The following FSIP1 variants were observed in gnomAD, a reference collection of about 807,000 sequenced individuals.
The protein encoded by FSIP1 is fibrous sheath interacting protein 1.
A neutral mutation model predicts 60.9 loss-of-function variants in FSIP1; 65 were observed. The observed-to-expected ratio is 1.07, with a 90% CI of 0.87 to 1.31. FSIP1 has a LOEUF of 1.31. FSIP1 is among the 40% of genes most tolerant of loss of function. The pLI, the probability that FSIP1 is intolerant of heterozygous loss-of-function variation, is 0.00. For synonymous variants in FSIP1, 209 were observed against 221.2 expected (o/e 0.94, Z 0.49); for missense variants, 675 against 665.5 (o/e 1.01, Z -0.16).
chr15:39,657,492 T>C (rs890825838), intron 10 of FSIP1, among the ~76,000 whole-genome samples: 5 of 152,214 alleles, frequency 3.3e-5, no homozygotes, highest in Non-Finnish European at 7.3e-5. Context: ...TTTTACTTGA[T>C]TTTTCCGTTT....
chr15:39,727,336 G>A (rs1203120787), intron 8 of FSIP1, among the ~76,000 whole-genome samples: 2 of 152,202 alleles, frequency 1.3e-5, no homozygotes, highest in African/African-American at 4.8e-5. Context: ...TGCCCTCGAG[G>A]AGTTCTCAAT....
chr15:39,769,339 T>C (rs1473506830), intron 3 of FSIP1, among the ~76,000 whole-genome samples: 1 of 151,662 alleles, frequency 6.6e-6, no homozygotes. Context: ...CAGTGACATA[T>C]GCAGTTTTCC....
intron 10 of FSIP1, among the ~76,000 whole-genome samples, chr15:39,655,101 A>G (rs138107750): frequency 6.6e-6 from 1 of 152,352 alleles, no homozygotes; most frequent in African/African-American, 2.4e-5. Context: ...TTAGAGAAAA[A>G]TCCCAAGGAA....
chr15:39,763,085 G>A (rs1250768554), intron 5 of FSIP1, among the ~76,000 whole-genome samples: 1 of 152,096 alleles, frequency 6.6e-6, no homozygotes, highest in Non-Finnish European at 1.5e-5. Flanking sequence ...TACAAGTTGA[G>A]AATTTAGCTG....
intron 10 of FSIP1, among the ~76,000 whole-genome samples, chr15:39,674,101 C>T (rs918160135): frequency 4.6e-5 from 7 of 151,246 alleles, no homozygotes; most frequent in Non-Finnish European, 7.4e-5. Context: ...GTCGCCCAGG[C>T]TGGAGTGCAG....
rs117050934 is a variant in FSIP1, at chr15:39,707,677, C to G, written c.1188+5767G>C. Among the ~76,000 whole-genome samples the G allele has an allele frequency of 6.3e-3, 965 of 152,208 alleles. 4 individuals are homozygous for G. The highest frequency in any genetic ancestry group is 0.012 in the Admixed American group (178 of 15,292). On this transcript the variant is annotated intron_variant, in intron 10 of 11. Transcript: ENST00000350221. ...CCCTCTTCTAAGTACCTTATATATA[C>G]TAATTTAAACTTCATAACAGCCCTA...
chr15:39,688,150 G>A (rs1334356275), intron 10 of FSIP1, among the ~76,000 whole-genome samples: 2 of 152,140 alleles, frequency 1.3e-5, no homozygotes, highest in East Asian at 3.8e-4. Context: ...CGATGCAATC[G>A]TATGCATTCA....
intron 7 of FSIP1, among the ~76,000 whole-genome samples, chr15:39,738,709 T>G (rs184568963): frequency 2.6e-4 from 39 of 152,264 alleles, no homozygotes; most frequent in African/African-American, 9.4e-4. Flanking sequence ...GGAACTCTAC[T>G]CCTCTAGGAA....
intron 11 of FSIP1, among the ~76,000 whole-genome samples, chr15:39,602,704 C>T (rs1233035892): frequency 6.6e-6 from 1 of 152,116 alleles, no homozygotes; most frequent in Admixed American, 6.5e-5. Context: ...TTCGTAAGTG[C>T]TATTCTCTCA....
At chr15:39,732,345 C>T (rs1896437770) in intron 8 of FSIP1, among the ~76,000 whole-genome samples, 1 of 152,158 alleles carries the variant, frequency 6.6e-6, no homozygotes, top group African/African-American at 2.4e-5. Flanking sequence ...GACGGTTGGG[C>T]ATGGTGCCTC....
intron 5 of FSIP1, among the ~76,000 whole-genome samples, chr15:39,762,005 C>A (rs59434895): frequency 0.049 from 7,521 of 152,232 alleles, 659 homozygotes; most frequent in East Asian, 0.2. Flanking sequence ...CTCCCTTTGG[C>A]TGGAGATGCC....
At chr15:39,634,653 C>T (rs1211509069) in intron 10 of FSIP1, among the ~76,000 whole-genome samples, 2 of 152,240 alleles carry the variant, frequency 1.3e-5, no homozygotes, top group East Asian at 3.8e-4. Context: ...TCTTCATTGT[C>T]TTCACCACAC....
At chr15:39,684,014 C>A (rs1050487126) in intron 10 of FSIP1, among the ~76,000 whole-genome samples, 2 of 152,152 alleles carry the variant, frequency 1.3e-5, no homozygotes, top group Admixed American at 1.3e-4. Context: ...CTGTTCTCAC[C>A]AAACTTATCT....
At position 39,701,305 on chromosome 15, in the gene FSIP1, CA is replaced by C. The variant is rs35760198; in HGVS notation, c.1188+12138del. Among the ~76,000 whole-genome samples the C allele has an allele frequency of 5.9e-4, 89 of 150,272 alleles. 1 individual carries two copies. Among genetic ancestry groups the C allele is most frequent in the Middle Eastern group, 3.4e-3 (1 of 294 alleles). On this transcript the variant is annotated intron_variant, in intron 10 of 11. Coordinates refer to ENST00000350221, the MANE Select transcript of FSIP1 (RefSeq NM_152597.5). ...AAGCTAAGAAGGGCAATAAGAAGGG[CA>C]AAAAAAAAGTTGGAAAAAAATCCAC...
chr15:39,748,577 C>G (rs753333215), intron 5 of FSIP1, among the ~76,000 whole-genome samples: 7 of 152,036 alleles, frequency 4.6e-5, no homozygotes, highest in African/African-American at 7.2e-5. Context: ...TTATGACAAC[C>G]AAAAATGCAC....
intron 1 of FSIP1, among the ~76,000 whole-genome samples, chr15:39,778,774 A>C (rs1898149217): frequency 1.3e-5 from 2 of 152,214 alleles, no homozygotes; most frequent in Non-Finnish European, 2.9e-5. Context: ...AATCAAAGAG[A>C]CTGTCCAGAA....
chr15:39,701,314 A>C lies in FSIP1; in HGVS notation c.1188+12130T>G, dbSNP rs374404964. On this transcript the variant is annotated intron_variant, in intron 10 of 11. Coordinates refer to ENST00000350221, the MANE Select transcript of FSIP1 (RefSeq NM_152597.5). ...AGGGCAATAAGAAGGGCAAAAAAAA[A>C]GTTGGAAAAAAATCCACCTTATTGG... 3.3e-5 allele frequency among the ~76,000 whole-genome samples: 5 copies of C among 152,336 alleles called. 1 individual carries two copies. Among genetic ancestry groups the C allele is most frequent in the Admixed American group, 6.5e-5 (1 of 15,312 alleles).
At chr15:39,776,319 G>A in intron 2 of FSIP1, 80 bp downstream of exon 2, 1 of 1,343,130 alleles carries the variant, frequency 7.4e-7, no homozygotes, top group Non-Finnish European at 1.0e-6. Flanking sequence ...TTTAAAATGG[G>A]ATGTTAACAA....
At chr15:39,758,189 A>G (rs1157730899) in intron 5 of FSIP1, among the ~76,000 whole-genome samples, 3 of 152,146 alleles carry the variant, frequency 2.0e-5, no homozygotes, top group African/African-American at 7.2e-5. Flanking sequence ...AGCTTTAAAA[A>G]TTAAACATAT....
Sources: gnomAD v4.1 joint callset for allele counts (sites outside exome capture counted in the v4.1 genomes callset) on GRCh38, gnomAD v4.1.1 for gene constraint, MANE v1.5 for transcripts, NCBI Gene and HGNC (gene_info 2026-07-23, HGNC 2026-07-21) for gene names.